The following KHDRBS3 variants were observed in gnomAD, a reference collection of about 807,000 sequenced individuals.
KHDRBS3 encodes the protein KH domain-containing, RNA-binding, signal transduction-associated protein 3.
KHDRBS3 carries 23 observed loss-of-function variants against 45.6 expected under a neutral mutation model. That is an observed-to-expected ratio of 0.50 (90% CI 0.36 to 0.72). The LOEUF (loss-of-function observed/expected upper bound fraction) is 0.72, where lower values mean the gene tolerates loss of function less well. KHDRBS3 is among the 30% of genes least tolerant of loss of function. The pLI is 0.00. For missense variants in KHDRBS3, 352 were observed against 424.8 expected, an observed-to-expected ratio of 0.83 and a Z score of 1.51; for synonymous variants, 162 against 156.5, an observed-to-expected ratio of 1.04 and a Z score of -0.26.
chr8:135,530,012 A>G (rs1586669508), intron 2 of KHDRBS3, among the ~76,000 whole-genome samples: 1 of 151,508 alleles, frequency 6.6e-6, no homozygotes, highest in Non-Finnish European at 1.5e-5. Context: ...AGATCGTGCC[A>G]CTGCACTCCA....
chr8:135,557,367 A>T, intron 4 of KHDRBS3, 81 bp from the exon 5 acceptor site: 1 of 760,558 alleles, frequency 1.3e-6, no homozygotes, highest in Non-Finnish European at 2.0e-6. Context: ...TTTTTCTATT[A>T]AGAATTACTT....
In KHDRBS3 at chr8:135,557,428, A is replaced by G. The variant is rs958305018; in HGVS notation, c.472-20A>G. The G allele has an allele frequency of 1.3e-6, 2 of 1,543,830 alleles. No individual in the cohort carries two copies. The highest frequency in any genetic ancestry group is 1.7e-4 in the Middle Eastern group (1 of 5,792). ...TTTCTAATATGAAGTGAATTTTGCTATCTTCTGTCTTTTGTGTAGGATTAT... is the reference window on the plus strand; with the variant it reads ...TTTCTAATATGAAGTGAATTTTGCTGTCTTCTGTCTTTTGTGTAGGATTAT... On this transcript the variant is annotated intron_variant, in intron 4 of 8. Transcript: ENST00000355849.
intron 1 of KHDRBS3, among the ~76,000 whole-genome samples, chr8:135,488,359 G>A (rs1012556793): frequency 6.6e-6 from 1 of 152,162 alleles, no homozygotes; most frequent in Non-Finnish European, 1.5e-5. Context: ...GTGATAAGTT[G>A]CAGGAGGAAC....
intron 1 of KHDRBS3, among the ~76,000 whole-genome samples, chr8:135,500,083 AT>A (rs558348153): frequency 6.6e-6 from 1 of 152,152 alleles, no homozygotes; most frequent in Non-Finnish European, 1.5e-5. Flanking sequence ...TTTTCATATC[AT>A]TAATTGAAGA....
chr8:135,512,886 A>G (rs993755104), intron 1 of KHDRBS3, among the ~76,000 whole-genome samples: 2 of 152,178 alleles, frequency 1.3e-5, no homozygotes, highest in Non-Finnish European at 1.5e-5. Context: ...TTATCAATTC[A>G]TCTGTGGGGT....
intron 7 of KHDRBS3, among the ~76,000 whole-genome samples, chr8:135,644,755 G>C (rs375568044): frequency 5.3e-5 from 8 of 152,322 alleles, no homozygotes; most frequent in Admixed American, 3.3e-4. Flanking sequence ...CCCAGGTCAG[G>C]TGCTGTCTTT....
intron 1 of KHDRBS3, among the ~76,000 whole-genome samples, chr8:135,514,332 A>G (rs747600955): frequency 6.6e-6 from 1 of 152,248 alleles, no homozygotes; most frequent in Non-Finnish European, 1.5e-5. Flanking sequence ...CAACCAATGA[A>G]TGGATAAACA....
At position 135,521,253 on chromosome 8, in the gene KHDRBS3, A is replaced by T. The variant is rs1478290754; in HGVS notation, c.105A>T (p.Gln35His). The change falls in exon 2 of 9, where the codon CAA becomes CAT. Residue 35 changes from glutamine to histidine, a missense_variant. By Grantham distance (24) the Gln-to-His change is conservative. Coordinates refer to ENST00000355849, the MANE Select transcript of KHDRBS3 (RefSeq NM_006558.3). The stretch of plus-strand genomic sequence containing the variant: ...CCTCCACAGAAATAGAAAAGTTTCA[A>T]AAAGGAGAAGGCAAGGATGAAGAAA... The part of the protein sequence containing the change: ...RLVNQEIEKF[Q>H]KGEGKDEEKY... 6.2e-7 allele frequency: 1 copy of T among 1,611,232 alleles called. No homozygotes were observed. The highest frequency in any genetic ancestry group is 1.1e-5 in the South Asian group (1 of 90,988).
rs527842707 is a variant in KHDRBS3 at position 135,558,811 on chromosome 8, A to G, written c.611+1224A>G. Among the ~76,000 whole-genome samples, 47 of 151,792 alleles carry G rather than the reference A, an allele frequency of 3.1e-4. No homozygotes were observed. The Middle Eastern group carries it at 0.01, about 33-fold the overall frequency. On this transcript the variant is annotated intron_variant, in intron 5 of 8. Transcript: ENST00000355849. ...TTTTGGCTGAAAATGATAGAAATGTATTCTCTGATCGTTATGGAGGCCAGA... is the reference window on the plus strand; with the variant it reads ...TTTTGGCTGAAAATGATAGAAATGTGTTCTCTGATCGTTATGGAGGCCAGA...
In KHDRBS3 at chr8:135,626,521, G is replaced by C. The variant is rs868720864; in HGVS notation, c.891-18538G>C. On this transcript the variant is annotated intron_variant, in intron 7 of 8. Transcript: ENST00000355849. ...TTGGAGGAGTAAAGAGGCACAGTGGGGGCCGGGCGCGGTGGCTCACGCCTG... is the reference window on the plus strand; with the variant it reads ...TTGGAGGAGTAAAGAGGCACAGTGGCGGCCGGGCGCGGTGGCTCACGCCTG... Among the ~76,000 whole-genome samples the C allele has an allele frequency of 5.2e-4, 79 of 152,326 alleles. 1 individual carries two copies. The highest frequency in any genetic ancestry group is 2.8e-4 in the Non-Finnish European group (19 of 68,034).
intron 6 of KHDRBS3, among the ~76,000 whole-genome samples, chr8:135,585,244 A>AG (rs1302358358): frequency 2.0e-5 from 3 of 151,654 alleles, no homozygotes; most frequent in East Asian, 1.9e-4. Context: ...AAAAAAAAAA[A>AG]AAAGAAAAAT....
chr8:135,655,594 A>G (rs923147952), intron 4 of KHDRBS3, among the ~76,000 whole-genome samples: 9 of 152,376 alleles, frequency 5.9e-5, no homozygotes, highest in African/African-American at 2.2e-4. Context: ...CTATGGAGCC[A>G]TCGGCGATGT....
intron 3 of KHDRBS3, among the ~76,000 whole-genome samples, chr8:135,543,804 G>A (rs184767700): frequency 2.6e-4 from 40 of 152,214 alleles, no homozygotes; most frequent in African/African-American, 9.6e-4. Flanking sequence ...ATGGTTTTCT[G>A]ACAACAGCAC....
At chr8:135,555,300 A>G (rs757809137) in intron 4 of KHDRBS3, among the ~76,000 whole-genome samples, 2 of 152,032 alleles carry the variant, frequency 1.3e-5, no homozygotes, top group South Asian at 2.1e-4. Context: ...CACGTGCCAC[A>G]TGTGGCCCAG....
At chr8:135,603,435 T>C (rs1311461476) in intron 6 of KHDRBS3, among the ~76,000 whole-genome samples, 1 of 152,232 alleles carries the variant, frequency 6.6e-6, no homozygotes, top group East Asian at 1.9e-4. Context: ...TGTTGTCTGA[T>C]AGCTTTCTCT....
chr8:135,529,172 G>A (rs537346378), intron 2 of KHDRBS3, among the ~76,000 whole-genome samples: 2 of 152,234 alleles, frequency 1.3e-5, no homozygotes, highest in South Asian at 2.1e-4. Context: ...TATGATGGAC[G>A]GTTCTCTTCT....
At chr8:135,562,030 A>G (rs1211964926) in intron 5 of KHDRBS3, among the ~76,000 whole-genome samples, 1 of 152,208 alleles carries the variant, frequency 6.6e-6, no homozygotes, top group Non-Finnish European at 1.5e-5. Flanking sequence ...CAGTAAACTA[A>G]GGGTAATTTT....
intron 1 of KHDRBS3, among the ~76,000 whole-genome samples, chr8:135,518,556 A>G (rs1384293750): frequency 6.6e-6 from 1 of 152,194 alleles, no homozygotes; most frequent in Non-Finnish European, 1.5e-5. Flanking sequence ...AAATTTTAGG[A>G]CGTTTCAGTG....
intron 1 of KHDRBS3, among the ~76,000 whole-genome samples, chr8:135,481,558 A>G (rs948873785): frequency 2.0e-5 from 3 of 152,194 alleles, no homozygotes; most frequent in South Asian, 2.1e-4. Context: ...TAGGTCTTCC[A>G]TAAACGTTTA....
Sources: allele counts gnomAD v4.1 joint callset (sites outside exome capture counted in the v4.1 genomes callset), GRCh38; gene constraint gnomAD v4.1.1; transcripts MANE v1.5; gene names NCBI Gene and HGNC (gene_info 2026-07-23, HGNC 2026-07-21).